The following SGCZ variants were observed in gnomAD, a reference collection of about 807,000 sequenced individuals.
SGCZ encodes zeta-sarcoglycan.
SGCZ carries 40 observed loss-of-function variants against 41.3 expected under a neutral mutation model. The ratio of observed to expected loss-of-function variants is 0.97; its 90% confidence interval spans 0.75 to 1.26. The LOEUF (loss-of-function observed/expected upper bound fraction) is 1.26. Ranked by LOEUF, SGCZ falls within the 50% of genes most tolerant of loss-of-function variation. The probability of loss-of-function intolerance (pLI) is 0.00; values close to 1 mark genes in which losing one functional copy is unlikely to be tolerated. For missense variants in SGCZ, 552 were observed against 369.8 expected (o/e 1.49, Z -4.04); for synonymous variants, 206 against 137.5 (o/e 1.50, Z -3.49).
intron 1 of SGCZ, among the ~76,000 whole-genome samples, chr8:14,898,828 T>C (rs1206822796): frequency 1.3e-5 from 2 of 152,190 alleles, no homozygotes; most frequent in African/African-American, 4.8e-5. Context: ...TCAAGATGTC[T>C]CTATATTGTA....
At chr8:14,975,065 G>T (rs1260358204) in intron 1 of SGCZ, among the ~76,000 whole-genome samples, 2 of 152,056 alleles carry the variant, frequency 1.3e-5, no homozygotes, top group African/African-American at 4.8e-5. Flanking sequence ...CCAGCACTTT[G>T]GGAGGCCGAG....
chr8:15,221,252 G>A (rs1323211204), intron 1 of SGCZ, among the ~76,000 whole-genome samples: 1 of 151,996 alleles, frequency 6.6e-6, no homozygotes, highest in Non-Finnish European at 1.5e-5. Context: ...TGCGAAGAAG[G>A]GTGTATTAAA....
At chr8:14,835,747 A>G (rs2130613239) in intron 1 of SGCZ, among the ~76,000 whole-genome samples, 1 of 152,336 alleles carries the variant, frequency 6.6e-6, no homozygotes, top group Admixed American at 6.5e-5. Flanking sequence ...GGGCTGTGTG[A>G]ATGTATTTAC....
At chr8:14,304,045 C>A (rs1801276276) in intron 3 of SGCZ, among the ~76,000 whole-genome samples, 2 of 152,070 alleles carry the variant, frequency 1.3e-5, no homozygotes, top group African/African-American at 4.8e-5. Flanking sequence ...AGCCACTGCA[C>A]CCGGCCAGTT....
At chr8:14,483,713 T>C (rs1199089100) in intron 2 of SGCZ, among the ~76,000 whole-genome samples, 2 of 152,208 alleles carry the variant, frequency 1.3e-5, no homozygotes, top group Non-Finnish European at 2.9e-5. Context: ...TACTAATGGG[T>C]ACGTCTTGGT....
At chr8:14,281,448 T>G (rs1800434443) in intron 3 of SGCZ, among the ~76,000 whole-genome samples, 1 of 118,640 alleles carries the variant, frequency 8.4e-6, no homozygotes, top group Non-Finnish European at 2.1e-5. Flanking sequence ...AAGGTAGTGA[T>G]TCTTAATTTT....
Position 14,851,990 on chromosome 8 carries a change from G to GT in SGCZ, c.40-297065dup, listed in dbSNP as rs535893066. ...TTTATTAAACTCATCTTTGACCTTT[G>GT]TTTTTTTCCTTTCTAGGAAACAAAC... On this transcript the variant is annotated intron_variant, in intron 1 of 7. Coordinates refer to ENST00000382080, the MANE Select transcript of SGCZ (RefSeq NM_139167.4). 4.3e-3 allele frequency among the ~76,000 whole-genome samples: 649 copies of GT among 152,128 alleles called. 4 individuals carry two copies. Among genetic ancestry groups the GT allele is most frequent in the South Asian group, 0.018 (86 of 4,818 alleles).
chr8:14,678,169 TG>T (rs1808334594), intron 1 of SGCZ, among the ~76,000 whole-genome samples: 1 of 152,104 alleles, frequency 6.6e-6, no homozygotes, highest in South Asian at 2.1e-4. Context: ...ACATAATCCA[TG>T]GAACAAAGAA....
At chr8:14,148,352 G>A (rs1353990600) in intron 5 of SGCZ, among the ~76,000 whole-genome samples, 1 of 151,742 alleles carries the variant, frequency 6.6e-6, no homozygotes, top group Non-Finnish European at 1.5e-5. Context: ...AAACAAAAAA[G>A]GAGTCATTAC....
chr8:14,676,581 A>C (rs1808285494), intron 1 of SGCZ, among the ~76,000 whole-genome samples: 1 of 152,204 alleles, frequency 6.6e-6, no homozygotes. Flanking sequence ...ATAGTCCAAC[A>C]TTATTTAAAG....
intron 1 of SGCZ, among the ~76,000 whole-genome samples, chr8:14,815,477 C>T (rs554535805): frequency 2.0e-5 from 3 of 151,876 alleles, no homozygotes; most frequent in African/African-American, 7.2e-5. Context: ...AAAACAGGAC[C>T]TTTGTGATGA....
intron 4 of SGCZ, 130 bp downstream of exon 4, chr8:14,237,462 G>C (rs911254532): frequency 1.1e-5 from 9 of 845,732 alleles, no homozygotes; most frequent in Non-Finnish European, 1.7e-5. Context: ...CCAGCCTGGT[G>C]ACAGAGTGAG....
At chr8:14,839,996 G>A (rs755660075) in intron 1 of SGCZ, among the ~76,000 whole-genome samples, 2 of 151,838 alleles carry the variant, frequency 1.3e-5, no homozygotes, top group East Asian at 3.9e-4. Context: ...TATATTTTGT[G>A]CCTTTGTTTT....
At chr8:14,292,086 T>C (rs780380869) in intron 3 of SGCZ, among the ~76,000 whole-genome samples, 2 of 152,032 alleles carry the variant, frequency 1.3e-5, no homozygotes, top group Non-Finnish European at 2.9e-5. Context: ...CTGTGACAGG[T>C]AGATATCAAA....
At chr8:14,871,513 A>T (rs1019219147) in intron 1 of SGCZ, among the ~76,000 whole-genome samples, 1 of 151,972 alleles carries the variant, frequency 6.6e-6, no homozygotes, top group Non-Finnish European at 1.5e-5. Context: ...AGACTGAATA[A>T]AGAAAATGTG....
chr8:14,464,896 C>T (rs1231676954), intron 2 of SGCZ, among the ~76,000 whole-genome samples: 1 of 151,174 alleles, frequency 6.6e-6, no homozygotes, highest in Non-Finnish European at 1.5e-5. Flanking sequence ...TCCTGTTTCT[C>T]TTCTGTTATT....
intron 1 of SGCZ, among the ~76,000 whole-genome samples, chr8:14,714,113 G>A (rs1225343758): frequency 6.6e-6 from 1 of 151,918 alleles, no homozygotes; most frequent in African/African-American, 2.4e-5. Context: ...GATTACAGGT[G>A]CCCACCACCA....
chr8:15,015,779 C>T (rs1412011206), intron 1 of SGCZ, among the ~76,000 whole-genome samples: 3 of 131,636 alleles, frequency 2.3e-5, no homozygotes, highest in African/African-American at 5.6e-5. Flanking sequence ...GTAGTTTAAG[C>T]AATAAGAAAT....
At chr8:15,011,957 C>T (rs537776684) in intron 1 of SGCZ, among the ~76,000 whole-genome samples, 59 of 151,910 alleles carry the variant, frequency 3.9e-4, no homozygotes, top group Non-Finnish European at 6.5e-4. Flanking sequence ...CATAATTTAC[C>T]AAGAAATTAC....
Sources: gnomAD v4.1 joint callset for allele counts (sites outside exome capture counted in the v4.1 genomes callset) on GRCh38, gnomAD v4.1.1 for gene constraint, MANE v1.5 for transcripts, NCBI Gene and HGNC (gene_info 2026-07-23, HGNC 2026-07-21) for gene names.